Variants in GATAD2B observed in about 807,000 individuals in gnomAD.
The protein encoded by GATAD2B is GATA zinc finger domain containing 2B, also known as transcriptional repressor p66-beta.
In GATAD2B, 8 loss-of-function variants were observed where a neutral mutation model predicts 64.3. That is an observed-to-expected ratio of 0.12 (90% confidence interval 0.07 to 0.22). GATAD2B has a LOEUF of 0.22. Among genes scored for constraint, GATAD2B ranks in the 10% least tolerant of loss-of-function variants. The pLI is 1.00. For missense variants in GATAD2B, 453 were observed against 752.0 expected (o/e 0.60, Z 4.65); for synonymous variants, 281 against 271.3 (o/e 1.04, Z -0.35).
intron 1 of GATAD2B, among the ~76,000 whole-genome samples, chr1:153,868,499 G>A (rs956082853): frequency 3.3e-5 from 5 of 151,910 alleles, no homozygotes; most frequent in Non-Finnish European, 2.9e-5. Flanking sequence ...CAGATACACA[G>A]GAAGGTAGGA....
intron 1 of GATAD2B, among the ~76,000 whole-genome samples, chr1:153,889,413 CAAAAAA>C (rs71093299): frequency 4.4e-5 from 3 of 67,906 alleles, no homozygotes; most frequent in East Asian, 7.9e-4. Flanking sequence ...ACCCCGTCTC[CAAAAAA>C]AAAAAAAAAA....
rs147725836 is a variant in GATAD2B at position 153,833,436 on chromosome 1, G to C, written c.-1-5088C>G. On this transcript the variant is annotated intron_variant, in intron 1 of 10. Coordinates refer to ENST00000368655, the MANE Select transcript of GATAD2B (RefSeq NM_020699.4). ...AAGAGCTCTGATGGAGATGAACAAG[G>C]AGATTAATGTTGTTTTCATGTGGCT... is the stretch of plus-strand genomic sequence containing the variant. 2.1e-3 allele frequency among the ~76,000 whole-genome samples: 320 copies of C among 152,254 alleles called. 3 individuals are homozygous for C. Among genetic ancestry groups the C allele is most frequent in the African/African-American group, 7.4e-3 (308 of 41,556 alleles).
intron 1 of GATAD2B, among the ~76,000 whole-genome samples, chr1:153,864,784 TAC>T (rs1676422303): frequency 6.6e-6 from 1 of 152,178 alleles, no homozygotes; most frequent in African/African-American, 2.4e-5. Context: ...AAATACTAAA[TAC>T]AGCCAGGCAC....
Position 153,805,900 on chromosome 1 carries a change from A to C in GATAD2B, c.*4277T>G, listed in dbSNP as rs1347446327. ...GAGGTCTTGGCTTTCACAGGAGCTC[A>C]GCCTCACCTCGGTTCACGCAGCCTA... On this transcript the variant is annotated 3_prime_UTR_variant, in exon 11 of 11. Coordinates refer to ENST00000368655, the MANE Select transcript of GATAD2B (RefSeq NM_020699.4). 5.9e-5 allele frequency: 9 copies of C among 152,320 alleles called. No individual in the cohort carries two copies. The highest frequency in any genetic ancestry group is 2.2e-4 in the African/African-American group (9 of 41,562). 9.4% of individuals were successfully genotyped at this position (152,320 alleles called of 1,614,324 possible).
At chr1:153,921,779 G>A (rs1678439735) in intron 1 of GATAD2B, 1 of 152,226 alleles carries the variant, frequency 6.6e-6, no homozygotes, top group Non-Finnish European at 1.5e-5. Flanking sequence ...CCAGCCCTAT[G>A]AGCTAACATC....
chr1:153,842,324 T>G (rs1675524958), intron 1 of GATAD2B, among the ~76,000 whole-genome samples: 1 of 152,258 alleles, frequency 6.6e-6, no homozygotes, highest in African/African-American at 2.4e-5. Flanking sequence ...TCTTTGCTGT[T>G]CCTTTTTACT....
At position 153,809,556 on chromosome 1, in the gene GATAD2B, G is replaced by C. The variant is rs537047171; in HGVS notation, c.*621C>G. On this transcript the variant is annotated 3_prime_UTR_variant, in exon 11 of 11. Transcript: ENST00000368655. ...AACACCCACAGGTAGGGTGCTATTCGTCCTTCTTTGATACCCCCCACCCTG... is the reference window on the plus strand; with the variant it reads ...AACACCCACAGGTAGGGTGCTATTCCTCCTTCTTTGATACCCCCCACCCTG... 1 of 152,344 alleles carries C rather than the reference G, an allele frequency of 6.6e-6. No homozygotes were observed. Among genetic ancestry groups the C allele is most frequent in the South Asian group, 2.1e-4 (1 of 4,824 alleles). 9.4% of individuals were successfully genotyped at this position (152,344 alleles called of 1,614,324 possible).
At chr1:153,817,987 G>C (rs1177558298) in intron 5 of GATAD2B, 53 bp downstream of exon 5, 52 of 1,466,754 alleles carry the variant, frequency 3.5e-5, no homozygotes, top group Non-Finnish European at 4.7e-5. Flanking sequence ...CAAAAACAGA[G>C]ACAGGATTAG....
chr1:153,883,749 T>C (rs1167287586), intron 1 of GATAD2B, among the ~76,000 whole-genome samples: 1 of 152,084 alleles, frequency 6.6e-6, no homozygotes, highest in East Asian at 1.9e-4. Flanking sequence ...AAAGCTTAGA[T>C]ACAATTAAGC....
At chr1:153,849,621 T>C (rs1036801834) in intron 1 of GATAD2B, among the ~76,000 whole-genome samples, 3 of 152,108 alleles carry the variant, frequency 2.0e-5, no homozygotes, top group Non-Finnish European at 4.4e-5. Context: ...CCAAATATAT[T>C]TTAAATTTGA....
chr1:153,886,011 A>G (rs879330697), intron 1 of GATAD2B, among the ~76,000 whole-genome samples: 5 of 152,240 alleles, frequency 3.3e-5, no homozygotes, highest in African/African-American at 7.2e-5. Context: ...AACAGAGTTC[A>G]AATTGATTGC....
At chr1:153,913,974 G>A (rs1678179400) in intron 1 of GATAD2B, among the ~76,000 whole-genome samples, 3 of 150,124 alleles carry the variant, frequency 2.0e-5, no homozygotes, top group African/African-American at 7.3e-5. Flanking sequence ...GCCGAGCACA[G>A]TGGCTCACGC....
intron 1 of GATAD2B, among the ~76,000 whole-genome samples, chr1:153,901,229 T>A (rs1274453526): frequency 2.8e-5 from 4 of 144,690 alleles, no homozygotes; most frequent in South Asian, 4.4e-4. Flanking sequence ...AAAAAAAAAA[T>A]TTATATGTTT....
chr1:153,901,242 A>G (rs889766140), intron 1 of GATAD2B, among the ~76,000 whole-genome samples: 4 of 151,768 alleles, frequency 2.6e-5, no homozygotes, highest in Admixed American at 6.6e-5. Flanking sequence ...ATATGTTTGT[A>G]TGTTAAGGCT....
chr1:153,810,076 G>T lies in GATAD2B; in HGVS notation c.*101C>A. 1 of 1,149,844 alleles carries T rather than the reference G, an allele frequency of 8.7e-7. No individual in the cohort carries two copies. The highest frequency in any genetic ancestry group is 1.2e-6 in the Non-Finnish European group (1 of 816,774). The allele number at this position is 1,149,844 out of a possible 1,614,324, so 71.2% of individuals were successfully genotyped here. A position where few individuals can be genotyped will look rare whatever the true frequency, so the allele number is the denominator to read the frequency against. On this transcript the variant is annotated 3_prime_UTR_variant, in exon 11 of 11. Coordinates refer to ENST00000368655, the MANE Select transcript of GATAD2B (RefSeq NM_020699.4). ...TTTTTCTGTTTTGCTTTCCGTGTAT[G>T]GTAGGCACCAGTACAGGCACTGCAT...
intron 1 of GATAD2B, among the ~76,000 whole-genome samples, chr1:153,873,398 G>C (rs143619405): frequency 2.0e-5 from 3 of 152,334 alleles, no homozygotes; most frequent in Non-Finnish European, 4.4e-5. Flanking sequence ...GCCCAATGCA[G>C]GCGTGTTAAG....
intron 1 of GATAD2B, among the ~76,000 whole-genome samples, chr1:153,891,164 ACAG>A (rs1677376893): frequency 6.6e-6 from 1 of 151,732 alleles, no homozygotes; most frequent in Admixed American, 6.6e-5. Context: ...AGCCTGGGCG[ACAG>A]CGAGATTCCG....
intron 1 of GATAD2B, among the ~76,000 whole-genome samples, chr1:153,873,412 C>T (rs561811018): frequency 2.1e-4 from 32 of 152,282 alleles, no homozygotes; most frequent in African/African-American, 7.5e-4. Flanking sequence ...TGTTAAGAGG[C>T]GAGACCTTTA....
At chr1:153,878,327 C>T (rs1220409744) in intron 1 of GATAD2B, among the ~76,000 whole-genome samples, 1 of 151,974 alleles carries the variant, frequency 6.6e-6, no homozygotes, top group Non-Finnish European at 1.5e-5. Context: ...TGGAATCTCC[C>T]TATGTTGCCC....
Sources: allele counts gnomAD v4.1 joint callset (sites outside exome capture counted in the v4.1 genomes callset), GRCh38; gene constraint gnomAD v4.1.1; transcripts MANE v1.5; gene names NCBI Gene and HGNC (gene_info 2026-07-23, HGNC 2026-07-21).